The following IYD variants were observed in gnomAD, a reference collection of about 807,000 sequenced individuals.
IYD encodes the protein iodotyrosine deiodinase.
A neutral mutation model predicts 28.4 loss-of-function variants in IYD; 25 were observed. The observed-to-expected ratio is 0.88, with a 90% CI of 0.64 to 1.23. The LOEUF (loss-of-function observed/expected upper bound fraction) is 1.23. Among genes scored for constraint, IYD ranks in the 50% most tolerant of loss-of-function variants. The pLI is 0.00. For synonymous variants in IYD, 140 were observed against 130.8 expected (o/e 1.07, Z -0.48); for missense variants, 352 against 357.9 (o/e 0.98, Z 0.13).
At chr6:150,396,606 G>A (rs1562322834) in intron 4 of IYD, 6 of 571,444 alleles carry the variant, frequency 1.0e-5, no homozygotes, top group South Asian at 2.1e-5. Flanking sequence ...CAGGTGCGGT[G>A]GCTCACGCCT....
At chr6:150,396,127 A>T (rs73617698) in intron 4 of IYD, 31,923 of 238,098 alleles carry the variant, frequency 0.13, 5,085 homozygotes, top group African/African-American at 0.42. Context: ...TAACAACTGT[A>T]AAATGATATG....
chr6:150,374,840 C>T (rs989725527), intron 1 of IYD, among the ~76,000 whole-genome samples: 12 of 152,192 alleles, frequency 7.9e-5, no homozygotes, highest in African/African-American at 2.4e-4. Flanking sequence ...GCACCTCTTA[C>T]TTGGGTGCCA....
chr6:150,404,482 T>C lies in IYD; in HGVS notation c.*6245T>C, dbSNP rs1778594294. 6.6e-6 allele frequency: 1 copy of C among 152,196 alleles called. No individual in the cohort carries two copies. The highest frequency in any genetic ancestry group is 2.4e-5 in the African/African-American group (1 of 41,454). 9.4% of individuals were successfully genotyped at this position (152,196 alleles called of 1,614,324 possible). A position where few individuals can be genotyped will look rare whatever the true frequency, so the allele number is the denominator to read the frequency against. On this transcript the variant is annotated 3_prime_UTR_variant, in exon 5 of 5. Transcript: ENST00000344419. ...ATGTATTAGATTTACAAGAGATGCT[T>C]AAATATATGAGAATGTTTTGTCTTA...
chr6:150,396,439 G>T (rs1199722719), intron 4 of IYD: 3 of 678,250 alleles, frequency 4.4e-6, no homozygotes, highest in African/African-American at 1.8e-5. Flanking sequence ...ATTAATAAGA[G>T]GAATTGTTTA....
intron 3 of IYD, among the ~76,000 whole-genome samples, chr6:150,392,744 C>T (rs537872038): frequency 5.3e-5 from 8 of 152,278 alleles, no homozygotes; most frequent in East Asian, 3.9e-4. Flanking sequence ...ACTTTTCACT[C>T]GTCTGGAACA....
chr6:150,379,226 C>T (rs539786296), intron 1 of IYD, among the ~76,000 whole-genome samples: 1 of 152,208 alleles, frequency 6.6e-6, no homozygotes, highest in Non-Finnish European at 1.5e-5. Flanking sequence ...CACTCTCAAC[C>T]ACCCATGTTA....
chr6:150,373,828 T>G (rs944180846), intron 1 of IYD, among the ~76,000 whole-genome samples: 1 of 152,210 alleles, frequency 6.6e-6, no homozygotes, highest in Non-Finnish European at 1.5e-5. Flanking sequence ...TGCAATCAGC[T>G]TTGTCTTAGA....
intron 1 of IYD, among the ~76,000 whole-genome samples, chr6:150,378,343 C>A (rs1018878502): frequency 1.3e-5 from 2 of 151,142 alleles, no homozygotes; most frequent in African/African-American, 4.9e-5. Context: ...CCCCACCCCA[C>A]AACAGTCCCC....
At chr6:150,391,853 C>T (rs1030191532) in intron 2 of IYD, among the ~76,000 whole-genome samples, 9 of 151,994 alleles carry the variant, frequency 5.9e-5, no homozygotes, top group East Asian at 3.9e-4. Context: ...GGATTACAGG[C>T]GCCCACCACC....
Position 150,405,542 on chromosome 6 carries a change from AC to A in IYD, c.*7306del, listed in dbSNP as rs1421463403. ...TGGCTGGGGAGGCCTCAGGAAACTTACAATCATGGCAGAAAGAAAAGCAAAC... is the reference window on the plus strand; with the variant it reads ...TGGCTGGGGAGGCCTCAGGAAACTTAAATCATGGCAGAAAGAAAAGCAAAC... On this transcript the variant is annotated 3_prime_UTR_variant, in exon 5 of 5. Coordinates refer to ENST00000344419, the MANE Select transcript of IYD (RefSeq NM_203395.3). 1 of 152,244 alleles carries A rather than the reference AC, an allele frequency of 6.6e-6. No homozygotes were observed. The highest frequency in any genetic ancestry group is 6.5e-5 in the Admixed American group (1 of 15,278). 9.4% of individuals were successfully genotyped at this position (152,244 alleles called of 1,614,324 possible). A position where few individuals can be genotyped will look rare whatever the true frequency, so the allele number is the denominator to read the frequency against.
chr6:150,370,551 C>T (rs1777203928), intron 1 of IYD: 1 of 985,412 alleles, frequency 1.0e-6, no homozygotes, highest in Non-Finnish European at 1.2e-6. Context: ...AGTCTAGCCT[C>T]TCAGCAGGGC....
rs111976318 is a variant in IYD, at chr6:150,375,380, T to C, written c.178+6171T>C. 2.7e-3 allele frequency among the ~76,000 whole-genome samples: 413 copies of C among 152,196 alleles called. 1 individual carries two copies. Among genetic ancestry groups the C allele is most frequent in the African/African-American group, 6.3e-3 (263 of 41,516 alleles). Reference sequence around the variant, plus strand: ...GTATTCTCATGCTGATTCCACTGCATTATGGGAGTCTTCAAACTGGTTGGC... The same window carrying C: ...GTATTCTCATGCTGATTCCACTGCACTATGGGAGTCTTCAAACTGGTTGGC... On this transcript the variant is annotated intron_variant, in intron 1 of 4. Transcript: ENST00000344419.
chr6:150,370,608 A>T, intron 1 of IYD: 1 of 985,402 alleles, frequency 1.0e-6, no homozygotes, highest in Non-Finnish European at 1.2e-6. Context: ...CAGAACGTCA[A>T]TTCTACCCAG....
intron 1 of IYD, chr6:150,369,916 G>T: frequency 1.4e-6 from 1 of 699,842 alleles, no homozygotes; most frequent in Admixed American, 2.0e-5. Flanking sequence ...AGGAAGTGGA[G>T]AATTGAGGGT....
intron 4 of IYD, chr6:150,395,911 G>A: frequency 1.9e-6 from 1 of 522,388 alleles, no homozygotes; most frequent in Non-Finnish European, 3.4e-6. Flanking sequence ...CTTGGCCACT[G>A]AGTCCCCTAT....
chr6:150,392,581 T>G, intron 3 of IYD, 77 bp downstream of exon 3: 1 of 1,470,490 alleles, frequency 6.8e-7, no homozygotes, highest in East Asian at 2.3e-5. Context: ...ATGTCCTGGC[T>G]TTGTTGTAAG....
In IYD at chr6:150,402,911, A is replaced by ACTAGGGGTGATTCAC. The variant is rs11268976; in HGVS notation, c.*4676_*4677insAGGGGTGATTCACCT. ...ACCCCATTTTAAGCCAAATTTACAAACTTACAAAGATGATCCACCAATAGT... is the reference window on the plus strand; with the variant it reads ...ACCCCATTTTAAGCCAAATTTACAAACTAGGGGTGATTCACCTTACAAAGATGATCCACCAATAGT... On this transcript the variant is annotated 3_prime_UTR_variant, in exon 5 of 5. Coordinates refer to ENST00000344419, the MANE Select transcript of IYD (RefSeq NM_203395.3). 1 of 151,958 alleles carries ACTAGGGGTGATTCAC rather than the reference A, an allele frequency of 6.6e-6. No homozygotes were observed. Among genetic ancestry groups the ACTAGGGGTGATTCAC allele is most frequent in the Admixed American group, 6.6e-5 (1 of 15,264 alleles). The allele number at this position is 151,958 out of a possible 1,614,324, so 9.4% of individuals were successfully genotyped here.
Position 150,392,603 on chromosome 6 carries a change from T to C in IYD, c.530+99T>C. ...GGCTTTGTTGTAAGCGTGAAAAAGC[T>C]TGATTCTATTCTGCCTCTTGGAGGA... On this transcript the variant is annotated intron_variant, in intron 3 of 4. Transcript: ENST00000344419. 9 of 1,252,614 alleles carry C rather than the reference T, an allele frequency of 7.2e-6. No homozygotes were observed. The South Asian group carries it at 1.1e-4, about 16-fold the overall frequency. 77.6% of individuals were successfully genotyped at this position (1,252,614 alleles called of 1,614,324 possible).
chr6:150,389,485 G>T lies in IYD; in HGVS notation c.312G>T (p.Arg104Ser), dbSNP rs1380120058. The T allele has an allele frequency of 1.2e-6, 2 of 1,613,958 alleles. No homozygotes were observed. The highest frequency in any genetic ancestry group is 2.2e-5 in the East Asian group (1 of 44,866). Residue 104 changes from arginine to serine, a missense_variant, in exon 2 of 5, where the codon AGG (arginine) becomes AGT (serine). Physicochemically the swap from Arg to Ser is moderately radical, Grantham distance 110. Transcript: ENST00000344419. ...TTCTCAATAAGAGACGGTCAGTCAG[G>T]TTCATAAGTAATGAGCAAGTCCCAA... ...YELLNKRRSV[R>S]FISNEQVPME...
Sources: allele counts gnomAD v4.1 joint callset (sites outside exome capture counted in the v4.1 genomes callset), GRCh38; gene constraint gnomAD v4.1.1; transcripts MANE v1.5; gene names NCBI Gene and HGNC (gene_info 2026-07-23, HGNC 2026-07-21).